The following SLC9C1 variants were observed in gnomAD, a reference collection of about 807,000 sequenced individuals.
SLC9C1 encodes solute carrier family 9 member C1, also known as sodium/hydrogen exchanger 10.
SLC9C1 carries 97 observed loss-of-function variants against 140.9 expected under a neutral mutation model. The ratio of observed to expected loss-of-function variants is 0.69; its 90% CI spans 0.58 to 0.82. The LOEUF is 0.82. SLC9C1 is among the 40% of genes least tolerant of loss of function. The pLI, the probability that SLC9C1 is intolerant of heterozygous loss-of-function variation, is 0.00. For synonymous variants in SLC9C1, 440 were observed against 442.6 expected (o/e 0.99, Z 0.07); for missense variants, 1,340 against 1,389.3 (o/e 0.96, Z 0.56).
At chr3:112,185,536 C>T (rs2077518078) in intron 20 of SLC9C1, 2 of 1,613,288 alleles carry the variant, frequency 1.2e-6, no homozygotes, top group Non-Finnish European at 1.7e-6. Flanking sequence ...ACAGGGGCCC[C>T]GTCAGGCGAT....
chr3:112,292,511 G>A (rs1419506683), intron 1 of SLC9C1, among the ~76,000 whole-genome samples: 3 of 152,104 alleles, frequency 2.0e-5, no homozygotes, highest in African/African-American at 7.2e-5. Context: ...TTAAATGTAT[G>A]GGTAAGGAAA....
chr3:112,215,935 A>C (rs1227910473), intron 15 of SLC9C1, among the ~76,000 whole-genome samples: 2 of 152,236 alleles, frequency 1.3e-5, no homozygotes, highest in African/African-American at 4.8e-5. Context: ...TGGAGGCATC[A>C]CGCTACCTGA....
intron 9 of SLC9C1, 85 bp from the exon 10 acceptor site, chr3:112,263,183 T>C: frequency 8.7e-7 from 1 of 1,155,974 alleles, no homozygotes. Flanking sequence ...ATCTACTCCC[T>C]GTAGAATTCC....
rs567157849 is a variant in SLC9C1, at chr3:112,267,166, C to T, written c.776-826G>A. ...TGCTGGCACATGCCTGTAGTACCAG[C>T]TACTTAGGAGGCTGAGGTGGGAGAA... On this transcript the variant is annotated intron_variant, in intron 7 of 28. Coordinates refer to ENST00000305815, the MANE Select transcript of SLC9C1 (RefSeq NM_183061.3). Among the ~76,000 whole-genome samples the T allele has an allele frequency of 5.9e-5, 9 of 152,188 alleles. No homozygotes were observed. In the South Asian group the frequency reaches 1.9e-3, roughly 32 times the overall value.
chr3:112,232,868 A>G (rs1010370924), intron 12 of SLC9C1, among the ~76,000 whole-genome samples: 1 of 151,896 alleles, frequency 6.6e-6, no homozygotes, highest in African/African-American at 2.4e-5. Context: ...CCACAGCTAA[A>G]CTTTGGCTTT....
At chr3:112,282,548 A>ATCTC (rs2080387217) in intron 2 of SLC9C1, among the ~76,000 whole-genome samples, 1 of 152,174 alleles carries the variant, frequency 6.6e-6, no homozygotes, top group South Asian at 2.1e-4. Flanking sequence ...ATTTTGTGAG[A>ATCTC]GTTTTGATGG....
chr3:112,209,056 C>G (rs1660810272), intron 15 of SLC9C1, among the ~76,000 whole-genome samples: 1 of 152,094 alleles, frequency 6.6e-6, no homozygotes. Context: ...TTTAATTATT[C>G]AAGTAGTATA....
chr3:112,191,842 T>G (rs2077667367), intron 20 of SLC9C1, among the ~76,000 whole-genome samples: 1 of 152,094 alleles, frequency 6.6e-6, no homozygotes, highest in African/African-American at 2.4e-5. Flanking sequence ...ATTTCAAATA[T>G]CTCAGAATTA....
intron 26 of SLC9C1, among the ~76,000 whole-genome samples, chr3:112,160,379 C>T (rs1277828015): frequency 6.6e-6 from 1 of 151,090 alleles, no homozygotes; most frequent in Non-Finnish European, 1.5e-5. Flanking sequence ...ACTAACTTGT[C>T]ATCTAGCATT....
chr3:112,275,715 A>G (rs12494678), intron 5 of SLC9C1, among the ~76,000 whole-genome samples: 43,561 of 152,086 alleles, frequency 0.29, 6,380 homozygotes, highest in Admixed American at 0.33. Context: ...CAACCACTCT[A>G]TAACTGCAAT....
At chr3:112,165,523 G>T (rs1369535708) in intron 26 of SLC9C1, among the ~76,000 whole-genome samples, 1 of 152,178 alleles carries the variant, frequency 6.6e-6, no homozygotes, top group Non-Finnish European at 1.5e-5. Flanking sequence ...GTTGGAGTTT[G>T]CTGGAGGTCC....
At chr3:112,207,580 G>A (rs1160586623) in intron 16 of SLC9C1, among the ~76,000 whole-genome samples, 1 of 152,036 alleles carries the variant, frequency 6.6e-6, no homozygotes, top group Non-Finnish European at 1.5e-5. Context: ...TCATTCCTGA[G>A]CTTCAGTCAT....
chr3:112,179,614 G>A lies in SLC9C1; in HGVS notation c.2836C>T (p.Leu946Phe). The A allele has an allele frequency of 6.2e-7, 1 of 1,611,820 alleles. No homozygotes were observed. The highest frequency in any genetic ancestry group is 8.5e-7 in the Non-Finnish European group (1 of 1,179,064). The change falls in exon 23 of 29, where the codon CTC becomes TTC. Residue 946 changes from leucine to phenylalanine, a missense_variant. By Grantham distance (22) the Leu-to-Phe change is conservative. Coordinates refer to ENST00000305815, the MANE Select transcript of SLC9C1 (RefSeq NM_183061.3). Reference sequence around the variant, plus strand: ...ATCTCTCCTATTATTTCTCCACTGAGCATATAGTCTGTGTCAATTATCGGA... The same window carrying A: ...ATCTCTCCTATTATTTCTCCACTGAACATATAGTCTGTGTCAATTATCGGA... ...DFPIIDTDYM[L>F]SGEIIGEINC... is the part of the protein sequence containing the mutation.
chr3:112,233,026 T>C (rs1225929367), intron 12 of SLC9C1, among the ~76,000 whole-genome samples: 1 of 134,418 alleles, frequency 7.4e-6, no homozygotes, highest in African/African-American at 2.9e-5. Context: ...TTCACTTTCA[T>C]ACACACACAC....
chr3:112,205,796 C>A (rs1188607075), intron 16 of SLC9C1, among the ~76,000 whole-genome samples: 1 of 140,426 alleles, frequency 7.1e-6, no homozygotes, highest in Non-Finnish European at 1.5e-5. Context: ...AACTGGCTAG[C>A]CAAATGTAGA....
At chr3:112,207,651 G>A (rs957697830) in intron 16 of SLC9C1, among the ~76,000 whole-genome samples, 3 of 152,010 alleles carry the variant, frequency 2.0e-5, no homozygotes, top group Non-Finnish European at 4.4e-5. Flanking sequence ...TGTTCTTGTT[G>A]TTTATTATGC....
intron 23 of SLC9C1, among the ~76,000 whole-genome samples, chr3:112,173,529 A>G (rs1038221362): frequency 2.0e-5 from 3 of 152,156 alleles, no homozygotes; most frequent in South Asian, 2.1e-4. Flanking sequence ...GAGAACATGC[A>G]GTATTTGCTT....
intron 20 of SLC9C1, among the ~76,000 whole-genome samples, chr3:112,190,948 C>CAA (rs2077646918): frequency 2.1e-5 from 3 of 144,424 alleles, no homozygotes. Flanking sequence ...CACACACACA[C>CAA]ACACACACAC....
intron 26 of SLC9C1, among the ~76,000 whole-genome samples, chr3:112,161,406 C>G (rs1212654402): frequency 6.6e-6 from 1 of 152,122 alleles, no homozygotes; most frequent in Non-Finnish European, 1.5e-5. Context: ...GGTTTTAGGT[C>G]TAACGTTTAA....
Sources: gnomAD v4.1 joint callset for allele counts (sites outside exome capture counted in the v4.1 genomes callset) on GRCh38, gnomAD v4.1.1 for gene constraint, MANE v1.5 for transcripts, NCBI Gene and HGNC (gene_info 2026-07-23, HGNC 2026-07-21) for gene names.